Variants in FARP1 observed in about 807,000 individuals in gnomAD.
FARP1 encodes the protein FERM, ARH/RhoGEF and pleckstrin domain protein 1, also known as FERM, ARHGEF and pleckstrin domain-containing protein 1.
A neutral mutation model predicts 128.8 loss-of-function variants in FARP1; 52 were observed. The ratio of observed to expected loss-of-function variants is 0.40; its 90% confidence interval spans 0.32 to 0.51. FARP1 has a LOEUF of 0.51. Ranked by LOEUF, FARP1 falls within the 20% of genes least tolerant of loss-of-function variation. The pLI, the probability that FARP1 is intolerant of heterozygous loss-of-function variation, is 0.45. For synonymous variants in FARP1, 580 were observed against 551.8 expected, an observed-to-expected ratio of 1.05 and a Z score of -0.72; for missense variants, 1,333 against 1,367.9, an observed-to-expected ratio of 0.97 and a Z score of 0.40.
At chr13:98,221,120 G>A (rs1489214864) in intron 2 of FARP1, among the ~76,000 whole-genome samples, 1 of 152,176 alleles carries the variant, frequency 6.6e-6, no homozygotes, top group Admixed American at 6.5e-5. Flanking sequence ...CTCTACACAT[G>A]GAGAATACCG....
At chr13:98,393,752 T>C (rs1193786151) in intron 12 of FARP1, 34 bp downstream of exon 12, 1 of 1,529,122 alleles carries the variant, frequency 6.5e-7, no homozygotes, top group Admixed American at 1.7e-5. Flanking sequence ...ATAACTCTGC[T>C]TTTCCCCACA....
intron 18 of FARP1, chr13:98,432,931 T>G (rs1211337404): frequency 8.1e-6 from 1 of 122,856 alleles, no homozygotes; most frequent in Non-Finnish European, 1.7e-5. Context: ...GACGGTGCAG[T>G]TGGAGCCGGG....
rs754480103 is a variant in FARP1, at chr13:98,277,076, CAT to C, written c.171+63664_171+63665del. 4.2e-5 allele frequency among the ~76,000 whole-genome samples: 6 copies of C among 143,308 alleles called. No homozygotes were observed. The East Asian group carries it at 1.1e-3, about 26-fold the overall frequency. 94.0% of individuals were successfully genotyped at this position (143,308 alleles called of 152,430 possible). ...ATCAAATCAGAATATGATCCCAGAACATGTCTGAGCTCTTGGATCTGCTCTAG... is the reference window on the plus strand; with the variant it reads ...ATCAAATCAGAATATGATCCCAGAACGTCTGAGCTCTTGGATCTGCTCTAG... On this transcript the variant is annotated intron_variant, in intron 2 of 26. Transcript: ENST00000319562.
At position 98,176,560 on chromosome 13, in the gene FARP1, A is replaced by G. The variant is rs1429317414; in HGVS notation, c.-24+33068A>G. On this transcript the variant is annotated intron_variant, in intron 1 of 26. Transcript: ENST00000319562. This position sits in a 1 kb window ranked among gnomAD's most constrained non-coding sequence, Gnocchi z 6.2. ...GCGACCCTCTTCAAGCTCCCGTTCA[A>G]TCTCCCACCCGAGCTTGTAATCGGA... 4 of 1,613,946 alleles carry G rather than the reference A, an allele frequency of 2.5e-6. No individual in the cohort carries two copies. The highest frequency in any genetic ancestry group is 3.4e-6 in the Non-Finnish European group (4 of 1,180,008).
chr13:98,147,084 A>G (rs551409485), intron 1 of FARP1, among the ~76,000 whole-genome samples: 2 of 152,304 alleles, frequency 1.3e-5, no homozygotes, highest in East Asian at 3.9e-4. Flanking sequence ...TTTGTTTTCA[A>G]TCAAGAAGCC....
intron 2 of FARP1, among the ~76,000 whole-genome samples, chr13:98,269,566 C>G (rs1304092406): frequency 6.6e-6 from 1 of 152,212 alleles, no homozygotes; most frequent in Admixed American, 6.5e-5. Flanking sequence ...CAAATGAGGA[C>G]ATGAGGCTCA....
chr13:98,305,930 G>A (rs1336565726), intron 2 of FARP1, among the ~76,000 whole-genome samples: 1 of 150,036 alleles, frequency 6.7e-6, no homozygotes, highest in African/African-American at 2.5e-5. Context: ...TTTGTAAAAT[G>A]TGATTCTGGG....
At chr13:98,229,456 A>G (rs1434870022) in intron 2 of FARP1, among the ~76,000 whole-genome samples, 2 of 151,838 alleles carry the variant, frequency 1.3e-5, no homozygotes, top group African/African-American at 4.8e-5. Flanking sequence ...ATTAACTTTT[A>G]TAACAGGGAC....
chr13:98,337,445 T>C (rs1338315963), intron 2 of FARP1, among the ~76,000 whole-genome samples: 1 of 152,112 alleles, frequency 6.6e-6, no homozygotes. Flanking sequence ...CATCAGATCC[T>C]TCTCATATTA....
chr13:98,444,612 G>A (rs1302810088), intron 24 of FARP1, among the ~76,000 whole-genome samples: 2 of 152,198 alleles, frequency 1.3e-5, no homozygotes, highest in African/African-American at 4.8e-5. Flanking sequence ...CGGCCCGGCC[G>A]TGGGGAGCGA....
rs758030369 is a variant in FARP1, at chr13:98,431,213, C to T, written c.2076C>T (p.Tyr692=). The T allele has an allele frequency of 1.2e-6, 2 of 1,606,740 alleles. No homozygotes were observed. Among genetic ancestry groups the T allele is most frequent in the Non-Finnish European group, 1.7e-6 (2 of 1,176,692 alleles). Residue 692 remains tyrosine (Y), a synonymous_variant, in exon 18 of 27, where the codon TAC becomes TAT. Transcript: ENST00000319562. ...GGCCACTGCACCGGCTCATGCACTA[C>T]AAGCAGGTCCTGGAGCGGCTGTGCA... ...LLRPLHRLMH[Y]KQVLERLCKH... is the part of the protein sequence containing the mutation.
At position 98,379,182 on chromosome 13, in the gene FARP1, T is replaced by TATATATA. The variant is rs1169446398; in HGVS notation, c.496+1279_496+1285dup. On this transcript the variant is annotated intron_variant, in intron 6 of 26. Transcript: ENST00000319562. ...TATATAATATATAATCTATATATAA[T>TATATATA]ATATATAATATATAATATATATATA... Among the ~76,000 whole-genome samples the TATATATA allele has an allele frequency of 2.7e-5, 2 of 74,340 alleles. 1 individual carries two copies. The highest frequency in any genetic ancestry group is 1.6e-4 in the African/African-American group (2 of 12,600). The allele number at this position is 74,340 out of a possible 152,430, so 48.8% of individuals were successfully genotyped here.
At chr13:98,277,149 C>CACA (rs1566824323) in intron 2 of FARP1, among the ~76,000 whole-genome samples, 4 of 113,302 alleles carry the variant, frequency 3.5e-5, no homozygotes, top group Admixed American at 9.0e-5. Flanking sequence ...CACACACACA[C>CACA]CCCATATGTA....
chr13:98,181,078 G>A (rs143294068), intron 1 of FARP1, among the ~76,000 whole-genome samples: 8 of 150,794 alleles, frequency 5.3e-5, no homozygotes, highest in African/African-American at 1.5e-4. Flanking sequence ...ACAGAATTTT[G>A]CTCTTGTTGC....
At chr13:98,443,579 C>T (rs1268170910) in intron 24 of FARP1, among the ~76,000 whole-genome samples, 8 of 152,234 alleles carry the variant, frequency 5.3e-5, no homozygotes, top group South Asian at 2.1e-4. Context: ...CCGTCTGACT[C>T]GTGTAGGCAC....
At chr13:98,249,812 C>T (rs955725808) in intron 2 of FARP1, among the ~76,000 whole-genome samples, 9 of 152,046 alleles carry the variant, frequency 5.9e-5, no homozygotes, top group East Asian at 1.9e-4. Flanking sequence ...GATGGTTCCC[C>T]GTGGTGGTAT....
At chr13:98,350,218 A>G (rs1262228381) in intron 3 of FARP1, among the ~76,000 whole-genome samples, 2 of 152,190 alleles carry the variant, frequency 1.3e-5, no homozygotes, top group Non-Finnish European at 2.9e-5. Context: ...CTGGGAGGAC[A>G]GGCCCTTTGG....
rs561855491 is a variant in FARP1, at chr13:98,395,369, G to C, written c.1307G>C (p.Gly436Ala). The C allele has an allele frequency of 1.2e-6, 2 of 1,611,930 alleles. No individual in the cohort carries two copies. Among genetic ancestry groups the C allele is most frequent in the Non-Finnish European group, 1.7e-6 (2 of 1,179,144 alleles). ...PSPAPRRSPA[G>A]NKQADGAASA... ...CCTGCGCCGAGGAGAAGCCCCGCGG[G>C]TAACAAGCAGGCGGACGGAGCCGCC... is the stretch of plus-strand genomic sequence containing the variant. Residue 436 changes from glycine (G) to alanine (A), a missense_variant, in exon 13 of 27, where the codon GGT (glycine) becomes GCT (alanine). Transcript: ENST00000319562.
Position 98,300,033 on chromosome 13 carries a change from C to G in FARP1, c.172-43729C>G, listed in dbSNP as rs1349074268. On this transcript the variant is annotated intron_variant, in intron 2 of 26. Coordinates refer to ENST00000319562, the MANE Select transcript of FARP1 (RefSeq NM_005766.4). ...TCACTATTGAATAGTTTCTAATGTT[C>G]CCCCAAATAATGTTTAAAGAATTTA... 2.6e-5 allele frequency among the ~76,000 whole-genome samples: 4 copies of G among 152,146 alleles called. No homozygotes were observed. The East Asian group carries it at 5.8e-4, about 22-fold the overall frequency.
Sources: gnomAD v4.1 joint callset for allele counts (sites outside exome capture counted in the v4.1 genomes callset) on GRCh38, gnomAD v4.1.1 for gene constraint, Gnocchi (gnomAD v3.1) non-coding constraint, MANE v1.5 for transcripts, NCBI Gene and HGNC (gene_info 2026-07-23, HGNC 2026-07-21) for gene names.